The following GPC6 variants were observed in gnomAD, a reference collection of about 807,000 sequenced individuals.
GPC6 encodes the protein glypican-6.
GPC6 carries 14 observed loss-of-function variants against 55.2 expected under a neutral mutation model. That is an observed-to-expected ratio of 0.25 (90% confidence interval 0.17 to 0.40). The LOEUF (loss-of-function observed/expected upper bound fraction) is 0.40, where lower values mean the gene tolerates loss of function less well. Among genes scored for constraint, GPC6 ranks in the 10% least tolerant of loss-of-function variants. The pLI is 1.00. For synonymous variants in GPC6, 278 were observed against 259.6 expected, an observed-to-expected ratio of 1.07 and a Z score of -0.68; for missense variants, 641 against 708.5, an observed-to-expected ratio of 0.90 and a Z score of 1.08.
At chr13:93,792,349 C>A (rs1258958884) in intron 2 of GPC6, among the ~76,000 whole-genome samples, 1 of 152,220 alleles carries the variant, frequency 6.6e-6, no homozygotes, top group East Asian at 1.9e-4. Context: ...TTTGCTCTGT[C>A]GCCCAGGCGG....
chr13:93,611,670 C>T (rs1878466422), intron 2 of GPC6, among the ~76,000 whole-genome samples: 1 of 152,150 alleles, frequency 6.6e-6, no homozygotes, highest in African/African-American at 2.4e-5. Context: ...TTGTGTAGAA[C>T]AAAGTAGTAC....
chr13:93,319,151 G>A lies in GPC6; in HGVS notation c.160+91535G>A, dbSNP rs116480006. Among the ~76,000 whole-genome samples, 917 of 152,254 alleles carry A rather than the reference G, an allele frequency of 6.0e-3. 12 individuals carry two copies. The highest frequency in any genetic ancestry group is 0.021 in the African/African-American group (878 of 41,554). ...ATTTTCTGGAGAAACTGGCTCCAGA[G>A]GAAAGAGATGGTGACATTTGAAGAG... On this transcript the variant is annotated intron_variant, in intron 1 of 8. Coordinates refer to ENST00000377047, the MANE Select transcript of GPC6 (RefSeq NM_005708.5).
chr13:93,552,529 T>G lies in GPC6; in HGVS notation c.319+7108T>G, dbSNP rs551010022. Among the ~76,000 whole-genome samples the G allele has an allele frequency of 3.9e-5, 6 of 152,144 alleles. 1 individual carries two copies. The South Asian group carries it at 1.3e-3, about 32-fold the overall frequency. On this transcript the variant is annotated intron_variant, in intron 2 of 8. Coordinates refer to ENST00000377047, the MANE Select transcript of GPC6 (RefSeq NM_005708.5). Reference sequence around the variant, plus strand: ...TTCTTTCTTTGAACTTTGACAGATCTTTCAAAACTAAGGCTACACGCTGCT... The same window carrying G: ...TTCTTTCTTTGAACTTTGACAGATCGTTCAAAACTAAGGCTACACGCTGCT...
intron 3 of GPC6, among the ~76,000 whole-genome samples, chr13:93,920,403 T>G (rs901067517): frequency 2.0e-5 from 3 of 152,268 alleles, no homozygotes; most frequent in Middle Eastern, 3.4e-3. Flanking sequence ...AAATTACATC[T>G]TCATTTCTAA....
chr13:93,965,102 G>GTTTTTTTTTTTTTTT (rs199810123), intron 3 of GPC6, among the ~76,000 whole-genome samples: 2 of 113,308 alleles, frequency 1.8e-5, no homozygotes, highest in African/African-American at 3.4e-5. Context: ...AACACTATGA[G>GTTTTTTTTTTTTTTT]TTTGTTTTTT....
chr13:93,443,302 T>A (rs1418980866), intron 1 of GPC6, among the ~76,000 whole-genome samples: 2 of 151,926 alleles, frequency 1.3e-5, no homozygotes. Context: ...TATGAATAAA[T>A]TTTTTTTTCT....
At chr13:93,969,432 A>T (rs1001490391) in intron 3 of GPC6, among the ~76,000 whole-genome samples, 5 of 152,152 alleles carry the variant, frequency 3.3e-5, no homozygotes, top group Non-Finnish European at 7.4e-5. Flanking sequence ...TATGCCAGGG[A>T]TGCCTAAGCA....
At chr13:93,634,464 A>G (rs1284521009) in intron 2 of GPC6, among the ~76,000 whole-genome samples, 1 of 152,220 alleles carries the variant, frequency 6.6e-6, no homozygotes, top group Non-Finnish European at 1.5e-5. Context: ...TTGTGTTCAT[A>G]TGCAAGTTAT....
intron 2 of GPC6, among the ~76,000 whole-genome samples, chr13:93,772,295 A>G (rs988551016): frequency 3.9e-5 from 6 of 152,160 alleles, no homozygotes. Flanking sequence ...GAGAAAACAC[A>G]TCACCCTCTG....
chr13:93,791,938 C>A (rs1886051428), intron 2 of GPC6, among the ~76,000 whole-genome samples: 1 of 152,150 alleles, frequency 6.6e-6, no homozygotes, highest in South Asian at 2.1e-4. Context: ...TAGTCTTATT[C>A]CCTAAGGATT....
At chr13:94,226,273 A>G (rs774859087) in intron 4 of GPC6, among the ~76,000 whole-genome samples, 2 of 152,184 alleles carry the variant, frequency 1.3e-5, no homozygotes, top group Non-Finnish European at 2.9e-5. Flanking sequence ...TGAGACAAAA[A>G]GAAGTGCTGG....
At chr13:93,423,181 T>C (rs1317121788) in intron 1 of GPC6, among the ~76,000 whole-genome samples, 1 of 152,176 alleles carries the variant, frequency 6.6e-6, no homozygotes, top group Non-Finnish European at 1.5e-5. Context: ...TAAACAATGC[T>C]TGCCTTGCAG....
chr13:94,253,777 C>A (rs992726831), intron 4 of GPC6, among the ~76,000 whole-genome samples: 10 of 152,132 alleles, frequency 6.6e-5, no homozygotes, highest in Non-Finnish European at 1.2e-4. Flanking sequence ...AAAATGATAT[C>A]TTACTCTTTA....
chr13:94,236,184 A>G (rs537056821), intron 4 of GPC6, among the ~76,000 whole-genome samples: 11 of 152,280 alleles, frequency 7.2e-5, no homozygotes, highest in Admixed American at 2.0e-4. Context: ...GTGTTTCATC[A>G]TTAATTAAAG....
intron 2 of GPC6, among the ~76,000 whole-genome samples, chr13:93,765,309 A>AGATAAGCTGTCTGGAAAGACGAC (rs1287047496): frequency 3.6e-5 from 1 of 27,502 alleles, no homozygotes; most frequent in Non-Finnish European, 7.4e-5. Flanking sequence ...AAGACAACTT[A>AGATAAGCTGTCTGGAAAGACGAC]TTTGGTTTAA....
chr13:94,350,840 C>T (rs1878503829), intron 6 of GPC6, among the ~76,000 whole-genome samples: 1 of 152,036 alleles, frequency 6.6e-6, no homozygotes, highest in Non-Finnish European at 1.5e-5. Flanking sequence ...AGCTAGAGAG[C>T]ACAGTGGGAA....
chr13:93,809,550 G>C (rs1333560948), intron 2 of GPC6, among the ~76,000 whole-genome samples: 2 of 152,164 alleles, frequency 1.3e-5, no homozygotes, highest in Admixed American at 6.5e-5. Flanking sequence ...GCCACTTCTT[G>C]TCCCCCATCA....
chr13:93,510,965 A>ATGTG (rs1880937711), intron 1 of GPC6, among the ~76,000 whole-genome samples: 2 of 79,096 alleles, frequency 2.5e-5, no homozygotes, highest in East Asian at 9.0e-4. Context: ...ATATATATAT[A>ATGTG]TATATGTGTA....
intron 1 of GPC6, among the ~76,000 whole-genome samples, chr13:93,347,354 C>T (rs1158423630): frequency 1.3e-5 from 2 of 152,102 alleles, no homozygotes; most frequent in African/African-American, 4.8e-5. Flanking sequence ...AAGTTATCTT[C>T]CTGATGTTGC....
Sources: gnomAD v4.1 joint callset for allele counts (sites outside exome capture counted in the v4.1 genomes callset) on GRCh38, gnomAD v4.1.1 for gene constraint, MANE v1.5 for transcripts, NCBI Gene and HGNC (gene_info 2026-07-23, HGNC 2026-07-21) for gene names.